ZEB2: variants seen among roughly 807,000 people sequenced by gnomAD.
ZEB2 encodes zinc finger E-box binding homeobox 2, also known as zinc finger E-box-binding homeobox 2.
ZEB2 carries 6 observed loss-of-function variants against 99.9 expected under a neutral mutation model. That is an observed-to-expected ratio of 0.06 (90% CI 0.03 to 0.12). The LOEUF is 0.12. ZEB2 is among the 10% of genes least tolerant of loss of function. ZEB2 has a pLI of 1.00. For missense variants in ZEB2, 969 were observed against 1,502.8 expected (o/e 0.64, Z 5.87); for synonymous variants, 517 against 542.5 (o/e 0.95, Z 0.65).
intron 2 of ZEB2, chr2:144,512,061 C>T (rs1273512142): frequency 7.8e-7 from 1 of 1,287,190 alleles, no homozygotes; most frequent in South Asian, 1.2e-5. Context: ...CAGACAATTG[C>T]CCCCTTGTGG....
intron 2 of ZEB2, among the ~76,000 whole-genome samples, chr2:144,499,033 T>C (rs1704831403): frequency 6.6e-6 from 1 of 152,366 alleles, no homozygotes; most frequent in East Asian, 1.9e-4. Context: ...AAATTATTGA[T>C]TTCTGCCTGA....
At chr2:144,437,190 G>A (rs928615834) in intron 2 of ZEB2, among the ~76,000 whole-genome samples, 5 of 152,044 alleles carry the variant, frequency 3.3e-5, no homozygotes, top group Non-Finnish European at 7.4e-5. Context: ...ACAATCCAAG[G>A]ACATAATACT....
At position 144,387,453 on chromosome 2, in the gene ZEB2, T is replaced by C. The variant is rs1456548960; in HGVS notation, c.*1998A>G. Reference sequence around the variant, plus strand: ...AATATTAGGGTCATCTTGTAAAAACTGAAAAACTGTCTTAGAAAATCACGG... The same window carrying C: ...AATATTAGGGTCATCTTGTAAAAACCGAAAAACTGTCTTAGAAAATCACGG... On this transcript the variant is annotated 3_prime_UTR_variant, in exon 10 of 10. Coordinates refer to ENST00000627532, the MANE Select transcript of ZEB2 (RefSeq NM_014795.4). 1 of 152,176 alleles carries C rather than the reference T, an allele frequency of 6.6e-6. No individual in the cohort carries two copies. The highest frequency in any genetic ancestry group is 1.5e-5 in the Non-Finnish European group (1 of 68,016). The allele number at this position is 152,176 out of a possible 1,614,324, so 9.4% of individuals were successfully genotyped here. A position where few individuals can be genotyped will look rare whatever the true frequency, so the allele number is the denominator to read the frequency against.
chr2:144,412,083 A>G (rs1703472569), intron 4 of ZEB2, among the ~76,000 whole-genome samples: 1 of 152,254 alleles, frequency 6.6e-6, no homozygotes, highest in Non-Finnish European at 1.5e-5. Context: ...CAGCCTGACC[A>G]ACATGGAGAA....
At chr2:144,440,521 T>TACA (rs1703900340) in intron 2 of ZEB2, among the ~76,000 whole-genome samples, 1 of 10,688 alleles carries the variant, frequency 9.4e-5, no homozygotes, top group African/African-American at 1.9e-4. Flanking sequence ...ATATATTTTT[T>TACA]TTTTTTTTTT....
At position 144,389,838 on chromosome 2, in the gene ZEB2, C is replaced by T. The variant is rs948093354; in HGVS notation, c.3258G>A (p.Glu1086=). 9 of 1,613,420 alleles carry T rather than the reference C, an allele frequency of 5.6e-6. No individual in the cohort carries two copies. The African/African-American group carries it at 8.0e-5, about 14-fold the overall frequency. The change falls in exon 10 of 10, where the codon GAG becomes GAA. Residue 1086 remains glutamate, a synonymous_variant. Coordinates refer to ENST00000627532, the MANE Select transcript of ZEB2 (RefSeq NM_014795.4). This position sits in a 1 kb window ranked among gnomAD's most constrained non-coding sequence, Gnocchi z 6.8. ...HRYSYCKREA[E]EREAAEREAR... The stretch of plus-strand genomic sequence containing the variant: ...CCTCGCGCTCCGCCGCTTCCCGCTC[C>T]TCCGCCTCCCGCTTGCAGTAGGAAT...
At chr2:144,440,515 ATTTTTTTTTT>A (rs201944188) in intron 2 of ZEB2, among the ~76,000 whole-genome samples, 2,403 of 32,132 alleles carry the variant, frequency 0.075, 34 homozygotes, top group Non-Finnish European at 0.13. Flanking sequence ...ATATATATAT[ATTTTTTTTTT>A]TTTTTTTTTT....
intron 2 of ZEB2, among the ~76,000 whole-genome samples, chr2:144,505,251 G>A (rs555093469): frequency 6.6e-6 from 1 of 151,764 alleles, no homozygotes; most frequent in African/African-American, 2.4e-5. Context: ...GATTTTTTAA[G>A]GCAAAATTTT....
intron 2 of ZEB2, among the ~76,000 whole-genome samples, chr2:144,484,580 AT>A (rs1704567393): frequency 6.6e-6 from 1 of 151,990 alleles, no homozygotes. Context: ...ACCTTTTCCT[AT>A]TTGCCATGGC....
rs1028004577 is a variant in ZEB2, at chr2:144,433,557, T to A, written c.74-3531A>T. Among the ~76,000 whole-genome samples the A allele has an allele frequency of 3.3e-5, 5 of 152,296 alleles. No individual in the cohort carries two copies. The East Asian group carries it at 9.6e-4, about 29-fold the overall frequency. ...ATGGGGTTACCAAAGGGCATAAAGCTGATACTTAAATTTGCTTTATAGCAA... is the reference window on the plus strand; with the variant it reads ...ATGGGGTTACCAAAGGGCATAAAGCAGATACTTAAATTTGCTTTATAGCAA... On this transcript the variant is annotated intron_variant, in intron 2 of 9. Coordinates refer to ENST00000627532, the MANE Select transcript of ZEB2 (RefSeq NM_014795.4).
chr2:144,416,890 T>C (rs1703546434), intron 4 of ZEB2, among the ~76,000 whole-genome samples: 1 of 152,248 alleles, frequency 6.6e-6, no homozygotes, highest in Non-Finnish European at 1.5e-5. Context: ...TACTGAACAC[T>C]TTGCATTTGA....
chr2:144,384,124 T>C lies in ZEB2; in HGVS notation c.*5327A>G, dbSNP rs542464172. The C allele has an allele frequency of 3.9e-5, 6 of 152,350 alleles. No individual in the cohort carries two copies. The South Asian group carries it at 1.0e-3, about 26-fold the overall frequency. The allele number at this position is 152,350 out of a possible 1,614,324, so 9.4% of individuals were successfully genotyped here. A position where few individuals can be genotyped will look rare whatever the true frequency, so the allele number is the denominator to read the frequency against. On this transcript the variant is annotated 3_prime_UTR_variant, in exon 10 of 10. Transcript: ENST00000627532. ...ATCTTCATGTATTTTTTACTCATCA[T>C]TTTCTTTGACTAAAATTATTAGAAT...
At chr2:144,398,259 C>A in intron 8 of ZEB2, 42 bp downstream of exon 8, 1 of 1,609,788 alleles carries the variant, frequency 6.2e-7, no homozygotes, top group Non-Finnish European at 8.5e-7. Flanking sequence ...AAAATAATTG[C>A]CACCTCTTTT....
intron 2 of ZEB2, among the ~76,000 whole-genome samples, chr2:144,438,418 T>A (rs1703864087): frequency 6.6e-6 from 1 of 151,206 alleles, no homozygotes; most frequent in South Asian, 2.1e-4. Context: ...AGAAGTGAAA[T>A]CATTGAGGGG....
At chr2:144,491,026 G>A (rs1704670791) in intron 2 of ZEB2, among the ~76,000 whole-genome samples, 1 of 152,222 alleles carries the variant, frequency 6.6e-6, no homozygotes, top group Non-Finnish European at 1.5e-5. Flanking sequence ...CGTGCGTTGA[G>A]GACTCCCCGA....
At chr2:144,484,988 T>C (rs1387480747) in intron 2 of ZEB2, among the ~76,000 whole-genome samples, 1 of 152,210 alleles carries the variant, frequency 6.6e-6, no homozygotes, top group Non-Finnish European at 1.5e-5. Flanking sequence ...ACTCTTGGCA[T>C]ACATGGCAAT....
intron 2 of ZEB2, among the ~76,000 whole-genome samples, chr2:144,483,117 G>GACACACACACACACACACAC (rs70985858): frequency 6.9e-5 from 9 of 130,676 alleles, no homozygotes; most frequent in African/African-American, 2.7e-4. Flanking sequence ...GTTTAGGTAA[G>GACACACACACACACACACAC]ACACACACAC....
At chr2:144,517,786 TG>T (rs1560661957) in intron 1 of ZEB2, 1 of 671,134 alleles carries the variant, frequency 1.5e-6, no homozygotes, top group East Asian at 2.7e-5. Flanking sequence ...CTCGGGAACT[TG>T]GGGTGAGGCG....
intron 2 of ZEB2, among the ~76,000 whole-genome samples, chr2:144,502,195 C>T (rs1003191030): frequency 1.3e-5 from 2 of 152,196 alleles, no homozygotes; most frequent in African/African-American, 4.8e-5. Flanking sequence ...GTATTTTTCT[C>T]TCCTTTGCCA....
Sources: allele counts gnomAD v4.1 joint callset (sites outside exome capture counted in the v4.1 genomes callset), GRCh38; gene constraint gnomAD v4.1.1; non-coding constraint Gnocchi (gnomAD v3.1); transcripts MANE v1.5; gene names NCBI Gene and HGNC (gene_info 2026-07-23, HGNC 2026-07-21).